The following GPRC5C variants were observed in gnomAD, a reference collection of about 807,000 sequenced individuals.
GPRC5C encodes the protein G protein-coupled receptor family C group 5 member C.
GPRC5C carries 22 observed loss-of-function variants against 31.4 expected under a neutral mutation model. That is an observed-to-expected ratio of 0.70 (90% CI 0.50 to 1.00). GPRC5C has a LOEUF of 1.00. Ranked by LOEUF, GPRC5C falls within the 50% of genes least tolerant of loss-of-function variation. The pLI, the probability that GPRC5C is intolerant of heterozygous loss-of-function variation, is 0.00. For synonymous variants in GPRC5C, 249 were observed against 257.5 expected, an observed-to-expected ratio of 0.97 and a Z score of 0.32; for missense variants, 557 against 597.2, an observed-to-expected ratio of 0.93 and a Z score of 0.70.
intron 3 of GPRC5C, chr17:74,445,266 A>G: frequency 8.1e-6 from 1 of 122,800 alleles, no homozygotes; most frequent in Non-Finnish European, 1.5e-5. Flanking sequence ...TAAATAAATA[A>G]GAAAAAAAAA....
rs1374245744 is a variant in GPRC5C at position 74,432,112 on chromosome 17, C to A, written c.-62C>A. ...CAGAAACTCCCATCTCCCTCACCAGCCGGAAAGTACGAGTCGGCTCAGCCT... is the reference window on the plus strand; with the variant it reads ...CAGAAACTCCCATCTCCCTCACCAGACGGAAAGTACGAGTCGGCTCAGCCT... On this transcript the variant is annotated 5_prime_UTR_variant, in exon 1 of 4. Transcript: ENST00000392627. 6.2e-6 allele frequency: 10 copies of A among 1,613,384 alleles called. No homozygotes were observed. The highest frequency in any genetic ancestry group is 1.3e-5 in the African/African-American group (1 of 74,948).
chr17:74,443,622 G>A (rs1298062583), intron 2 of GPRC5C, 196 bp from the exon 3 acceptor site: 1 of 696,392 alleles, frequency 1.4e-6, no homozygotes, highest in Non-Finnish European at 2.6e-6. Context: ...ACAAAGGGGT[G>A]CTAGGCTTGG....
At chr17:74,432,318 A>AGAGC in intron 1 of GPRC5C, 177 bp downstream of exon 1, 4 of 1,439,968 alleles carry the variant, frequency 2.8e-6, no homozygotes, top group Non-Finnish European at 3.6e-6. Flanking sequence ...GGCCCGCGCG[A>AGAGC]GAGCGAGCAA....
downstream of GPRC5C, chr17:74,448,790 G>A (rs1475301419): frequency 3.3e-6 from 3 of 901,808 alleles, no homozygotes; most frequent in East Asian, 6.1e-5. Flanking sequence ...GTGAGACAGG[G>A]CCTCAGAGTA....
rs1160447573 is a variant in GPRC5C at position 74,440,264 on chromosome 17, T to C, written c.488T>C (p.Leu163Pro). The change falls in exon 2 of 4, where the codon CTG (leucine) becomes CCG (proline). Residue 163 changes from leucine to proline, a missense_variant. Physicochemically the swap from Leu to Pro is moderately conservative, Grantham distance 98. Coordinates refer to ENST00000392627, the MANE Select transcript of GPRC5C (RefSeq NM_022036.4). This position sits in a 1 kb window ranked among gnomAD's most constrained non-coding sequence, Gnocchi z 4.4. The part of the protein sequence containing the change: ...GWVIFTVALL[L>P]TLVEVIINTE... ...GTGATCTTCACTGTGGCTCTGCTGC[T>C]GACCCTGGTAGAGGTCATCATCAAT... 5 of 1,614,110 alleles carry C rather than the reference T, an allele frequency of 3.1e-6. No individual in the cohort carries two copies. Among genetic ancestry groups the C allele is most frequent in the African/African-American group, 1.3e-5 (1 of 74,942 alleles).
chr17:74,434,269 C>G (rs541460272), intron 1 of GPRC5C, among the ~76,000 whole-genome samples: 2 of 152,194 alleles, frequency 1.3e-5, no homozygotes, highest in Non-Finnish European at 2.9e-5. Flanking sequence ...CCTCCTACCC[C>G]CCTCCTTGAA....
At chr17:74,436,370 CTG>C (rs1354222061) in intron 1 of GPRC5C, among the ~76,000 whole-genome samples, 1 of 152,142 alleles carries the variant, frequency 6.6e-6, no homozygotes, top group Non-Finnish European at 1.5e-5. Context: ...TTGGCAGTGT[CTG>C]GGACCTGGTA....
chr17:74,437,819 G>C (rs1244724716), intron 1 of GPRC5C, among the ~76,000 whole-genome samples: 1 of 152,004 alleles, frequency 6.6e-6, no homozygotes, highest in Non-Finnish European at 1.5e-5. Flanking sequence ...TCACAGAAGA[G>C]AGTTAGATAA....
chr17:74,440,317 C>G lies in GPRC5C; in HGVS notation c.541C>G (p.Arg181Gly), dbSNP rs374834578. 1.9e-6 allele frequency: 3 copies of G among 1,614,196 alleles called. No homozygotes were observed. The highest frequency in any genetic ancestry group is 1.7e-6 in the Non-Finnish European group (2 of 1,180,026). The change falls in exon 2 of 4, where the codon CGG becomes GGG. Residue 181 changes from arginine to glycine, a missense_variant. Arg to Gly is a moderately radical substitution (Grantham distance 125). Coordinates refer to ENST00000392627, the MANE Select transcript of GPRC5C (RefSeq NM_022036.4). This position sits in a 1 kb window ranked among gnomAD's most constrained non-coding sequence, Gnocchi z 4.4. ...AGAGTGGCTGATCATCACCCTGGTT[C>G]GGGGCAGTGGCGAGGGCGGCCCTCA... ...NTEWLIITLV[R>G]GSGEGGPQGN...
At chr17:74,436,585 G>C (rs2055434243) in intron 1 of GPRC5C, among the ~76,000 whole-genome samples, 1 of 152,110 alleles carries the variant, frequency 6.6e-6, no homozygotes, top group African/African-American at 2.4e-5. Flanking sequence ...ATCAAGTCAG[G>C]GACTACGTTT....
Position 74,440,072 on chromosome 17 carries a change from G to A in GPRC5C, c.296G>A (p.Gly99Asp), listed in dbSNP as rs773408215. Reference protein sequence around the residue: ...TQVFFLLGTLGLFCLVFACVV... With the variant: ...TQVFFLLGTLDLFCLVFACVV... Reference sequence around the variant, plus strand: ...GTATTCTTCCTTCTGGGGACCCTGGGCCTCTTCTGCCTCGTGTTTGCCTGT... The same window carrying A: ...GTATTCTTCCTTCTGGGGACCCTGGACCTCTTCTGCCTCGTGTTTGCCTGT... Residue 99 changes from glycine (G) to aspartate (D), a missense_variant, in exon 2 of 4, where the codon GGC becomes GAC. Gly to Asp is a moderately conservative substitution (Grantham distance 94). Transcript: ENST00000392627. This position sits in a 1 kb window ranked among gnomAD's most constrained non-coding sequence, Gnocchi z 4.4. 1 of 1,613,380 alleles carries A rather than the reference G, an allele frequency of 6.2e-7. No homozygotes were observed. Among genetic ancestry groups the A allele is most frequent in the Non-Finnish European group, 8.5e-7 (1 of 1,180,022 alleles).
At chr17:74,450,041 C>T (rs767214310), downstream of GPRC5C, 2 of 152,660 alleles carry the variant, frequency 1.3e-5, no homozygotes, top group Admixed American at 6.5e-5. Flanking sequence ...TCCCCATCTT[C>T]CACAAAGCAG....
intron 3 of GPRC5C, 119 bp downstream of exon 3, chr17:74,444,031 C>T: frequency 2.9e-6 from 2 of 687,810 alleles, no homozygotes; most frequent in Non-Finnish European, 5.2e-6. Context: ...AAGGGGAAGG[C>T]AAGCTTCTCC....
chr17:74,433,325 C>A (rs1024947912), intron 1 of GPRC5C, among the ~76,000 whole-genome samples: 5 of 152,072 alleles, frequency 3.3e-5, no homozygotes, highest in Non-Finnish European at 5.9e-5. Context: ...CCAGAGCAGA[C>A]CCTTGAAGAT....
In GPRC5C at chr17:74,446,970, C is replaced by T. The variant is rs146489073; in HGVS notation, c.1268C>T (p.Thr423Ile). ...TCGGCCCAGAGCCACCAGGCGGCCA[C>T]ACCGCCGAAAGACGGCAAGAACTCT... is the stretch of plus-strand genomic sequence containing the variant. ...MYSAQSHQAATPPKDGKNSQV... is the reference protein window; with the variant it reads ...MYSAQSHQAAIPPKDGKNSQV... The change falls in exon 4 of 4, where the codon ACA (threonine) becomes ATA (isoleucine). Residue 423 changes from threonine to isoleucine, a missense_variant. Coordinates refer to ENST00000392627, the MANE Select transcript of GPRC5C (RefSeq NM_022036.4). 5 of 1,614,078 alleles carry T rather than the reference C, an allele frequency of 3.1e-6. No individual in the cohort carries two copies. In the African/African-American group the frequency reaches 5.3e-5, roughly 17 times the overall value.
At position 74,447,413 on chromosome 17, in the gene GPRC5C, C is replaced by T. The variant is rs1182265290; in HGVS notation, c.*385C>T. 8 of 956,436 alleles carry T rather than the reference C, an allele frequency of 8.4e-6. No homozygotes were observed. The highest frequency in any genetic ancestry group is 9.7e-5 in the South Asian group (2 of 20,634). 59.2% of individuals were successfully genotyped at this position (956,436 alleles called of 1,614,324 possible). On this transcript the variant is annotated 3_prime_UTR_variant, in exon 4 of 4. Transcript: ENST00000392627. ...GAGGAACAAGGGTGCCTAATAAATA[C>T]ATTTCTGCTTTATTAACTCTTGCTC...
Position 74,440,776 on chromosome 17 carries a change from C to A in GPRC5C, c.1000C>A (p.Gln334Lys). The change falls in exon 2 of 4, where the codon CAG becomes AAG. Residue 334 changes from glutamine to lysine, a missense_variant. By Grantham distance (53) the Gln-to-Lys change is moderately conservative. Transcript: ENST00000392627. The surrounding 1 kb of genome is among the most constrained non-coding windows in gnomAD (Gnocchi z 4.4). ...YETILKEQKG[Q>K]SMFVENKAFS... ...GACCATCCTGAAAGAGCAGAAGGGT[C>A]AGAGCATGTTCGTGGAGAACAAGGC... 1 of 1,559,806 alleles carries A rather than the reference C, an allele frequency of 6.4e-7. No individual in the cohort carries two copies.
chr17:74,433,338 C>A (rs1210850433), intron 1 of GPRC5C, among the ~76,000 whole-genome samples: 2 of 152,034 alleles, frequency 1.3e-5, no homozygotes, highest in Non-Finnish European at 2.9e-5. Context: ...TTGAAGATTT[C>A]CAAGTCTCAG....
chr17:74,437,282 TA>T (rs370200101), intron 1 of GPRC5C, among the ~76,000 whole-genome samples: 53 of 152,302 alleles, frequency 3.5e-4, no homozygotes, highest in African/African-American at 1.2e-3. Context: ...CACTTGTAAA[TA>T]AAATGCAGTT....
Sources: allele counts gnomAD v4.1 joint callset (sites outside exome capture counted in the v4.1 genomes callset), GRCh38; gene constraint gnomAD v4.1.1; non-coding constraint Gnocchi (gnomAD v3.1); transcripts MANE v1.5; gene names NCBI Gene and HGNC (gene_info 2026-07-23, HGNC 2026-07-21).